PHLPP1: variants seen among roughly 807,000 people sequenced by gnomAD.
PHLPP1 encodes the protein PH domain and leucine rich repeat protein phosphatase 1.
Under a neutral mutation model 117.2 loss-of-function variants are expected in PHLPP1, and 42 were observed. The ratio of observed to expected loss-of-function variants is 0.36; its 90% CI spans 0.28 to 0.46. The LOEUF is 0.46. PHLPP1 is among the 20% of genes least tolerant of loss of function. PHLPP1 has a pLI of 1.00. For synonymous variants in PHLPP1, 1,042 were observed against 970.7 expected (o/e 1.07, Z -1.37); for missense variants, 2,084 against 2,241.9 (o/e 0.93, Z 1.42).
At chr18:62,839,964 G>A (rs1440201426) in intron 3 of PHLPP1, 1 of 151,606 alleles carries the variant, frequency 6.6e-6, no homozygotes, top group African/African-American at 2.4e-5. Context: ...TGGTTTGGGT[G>A]TTGTTTTTGA....
intron 12 of PHLPP1, among the ~76,000 whole-genome samples, chr18:62,954,794 A>G (rs948357925): frequency 1.3e-5 from 2 of 152,252 alleles, no homozygotes; most frequent in Admixed American, 1.3e-4. Flanking sequence ...TAACCTAAGC[A>G]CTGGTATCTC....
chr18:62,864,461 A>T (rs1002031594), intron 4 of PHLPP1, among the ~76,000 whole-genome samples: 3 of 152,184 alleles, frequency 2.0e-5, no homozygotes, highest in African/African-American at 7.2e-5. Context: ...CAAGGTAGAG[A>T]GGAGGTCAGT....
intron 11 of PHLPP1, among the ~76,000 whole-genome samples, chr18:62,943,012 A>G (rs1910173117): frequency 6.6e-6 from 1 of 152,098 alleles, no homozygotes; most frequent in African/African-American, 2.4e-5. Context: ...ATATTTTTGG[A>G]AAAAACCATG....
chr18:62,946,177 C>T (rs1910275810), intron 12 of PHLPP1, among the ~76,000 whole-genome samples: 1 of 152,224 alleles, frequency 6.6e-6, no homozygotes, highest in East Asian at 1.9e-4. Context: ...CTTCACTTTC[C>T]AGGCACTTGC....
At chr18:62,817,430 C>T (rs557526317) in intron 1 of PHLPP1, among the ~76,000 whole-genome samples, 2 of 152,204 alleles carry the variant, frequency 1.3e-5, no homozygotes, top group African/African-American at 2.4e-5. Context: ...TAGGTAAATA[C>T]ACACACATAC....
chr18:62,722,663 T>C (rs561777354), intron 1 of PHLPP1, among the ~76,000 whole-genome samples: 35 of 152,276 alleles, frequency 2.3e-4, no homozygotes, highest in African/African-American at 7.5e-4. Flanking sequence ...GATAATATAA[T>C]TAAACAAAAT....
intron 3 of PHLPP1, among the ~76,000 whole-genome samples, chr18:62,853,569 C>T (rs944002326): frequency 1.2e-4 from 18 of 152,142 alleles, no homozygotes; most frequent in Admixed American, 8.5e-4. Context: ...GGAGTTTCCC[C>T]ATGTTGGCCA....
chr18:62,759,945 T>C (rs1912159966), intron 1 of PHLPP1, among the ~76,000 whole-genome samples: 1 of 152,196 alleles, frequency 6.6e-6, no homozygotes, highest in African/African-American at 2.4e-5. Context: ...ATGGATATGA[T>C]TCATCTAGTT....
chr18:62,895,076 G>A lies in PHLPP1; in HGVS notation c.2132G>A (p.Cys711Tyr), dbSNP rs747311419. The change falls in exon 5 of 17, where the codon TGC (cysteine) becomes TAC (tyrosine). Residue 711 changes from cysteine to tyrosine, a missense_variant. This residue lies in a region of PHLPP1 where 1,365 missense variants were observed against 1,605.9 expected (regional missense o/e 0.85). Transcript: ENST00000262719. The stretch of plus-strand genomic sequence containing the variant: ...TTAGGGGACTTCCCACTGGCAGTCT[G>A]CAGTATTCCAACCCTGGCAGAGCTG... ...NHLGDFPLAV[C>Y]SIPTLAELNV... The A allele has an allele frequency of 1.2e-6, 2 of 1,613,684 alleles. No individual in the cohort carries two copies. Among genetic ancestry groups the A allele is most frequent in the East Asian group, 2.2e-5 (1 of 44,878 alleles).
intron 1 of PHLPP1, among the ~76,000 whole-genome samples, chr18:62,753,383 G>T (rs1380575882): frequency 6.6e-6 from 1 of 152,178 alleles, no homozygotes; most frequent in Non-Finnish European, 1.5e-5. Flanking sequence ...TTTATATATA[G>T]AGTTTGATTA....
intron 1 of PHLPP1, among the ~76,000 whole-genome samples, chr18:62,772,347 T>A (rs528403195): frequency 1.3e-5 from 2 of 150,066 alleles, no homozygotes; most frequent in Admixed American, 6.7e-5. Context: ...GTTTTCTTTA[T>A]TTTTTTTAAG....
chr18:62,898,357 C>A (rs907533923), intron 6 of PHLPP1, among the ~76,000 whole-genome samples: 3 of 152,188 alleles, frequency 2.0e-5, no homozygotes, highest in African/African-American at 7.2e-5. Flanking sequence ...TTTCCAGACA[C>A]ACAACTCTTG....
intron 1 of PHLPP1, among the ~76,000 whole-genome samples, chr18:62,811,153 A>G (rs1226822778): frequency 6.6e-6 from 1 of 152,192 alleles, no homozygotes; most frequent in African/African-American, 2.4e-5. Flanking sequence ...TAGTAGAAAC[A>G]TGCTTATTTT....
At chr18:62,721,711 T>G (rs1175199118) in intron 1 of PHLPP1, among the ~76,000 whole-genome samples, 1 of 152,142 alleles carries the variant, frequency 6.6e-6, no homozygotes, top group African/African-American at 2.4e-5. Context: ...GAAGTAATTG[T>G]AGGGGCAGGA....
chr18:62,886,105 A>T (rs538831862), intron 4 of PHLPP1, among the ~76,000 whole-genome samples: 107 of 152,296 alleles, frequency 7.0e-4, no homozygotes, highest in African/African-American at 2.6e-3. Context: ...CGGTGTCATT[A>T]TTACCGTACT....
intron 1 of PHLPP1, among the ~76,000 whole-genome samples, chr18:62,823,930 G>C (rs1914538014): frequency 6.6e-6 from 1 of 152,104 alleles, no homozygotes; most frequent in Non-Finnish European, 1.5e-5. Flanking sequence ...TGGGCAGTTA[G>C]AGACCAGCCT....
chr18:62,878,853 A>G (rs538580205), intron 4 of PHLPP1, among the ~76,000 whole-genome samples: 2 of 152,132 alleles, frequency 1.3e-5, no homozygotes, highest in Non-Finnish European at 1.5e-5. Context: ...AAATATGTGC[A>G]TGTTCAGATG....
intron 1 of PHLPP1, among the ~76,000 whole-genome samples, chr18:62,732,012 A>C (rs1911239192): frequency 6.6e-6 from 1 of 152,250 alleles, no homozygotes; most frequent in Admixed American, 6.5e-5. Context: ...TCCATAATAC[A>C]AAGGTGCAAG....
chr18:62,752,313 CAG>C (rs1332376665), intron 1 of PHLPP1, among the ~76,000 whole-genome samples: 1 of 152,146 alleles, frequency 6.6e-6, no homozygotes, highest in Non-Finnish European at 1.5e-5. Flanking sequence ...GGAGTTGACA[CAG>C]AGAAGCAGGG....
Sources: gnomAD v4.1 joint callset for allele counts (sites outside exome capture counted in the v4.1 genomes callset) on GRCh38, gnomAD v4.1.1 for gene constraint, gnomAD v4.1.1 regional missense constraint, MANE v1.5 for transcripts, NCBI Gene and HGNC (gene_info 2026-07-23, HGNC 2026-07-21) for gene names.